UBE2E2: variants seen among roughly 807,000 people sequenced by gnomAD.
UBE2E2 encodes the protein ubiquitin-conjugating enzyme E2 E2.
A neutral mutation model predicts 24.7 loss-of-function variants in UBE2E2; 6 were observed. The ratio of observed to expected loss-of-function variants is 0.24; its 90% CI spans 0.13 to 0.48. The LOEUF is 0.48. Ranked by LOEUF, UBE2E2 falls within the 20% of genes least tolerant of loss-of-function variation. UBE2E2 has a pLI of 0.99. For synonymous variants in UBE2E2, 104 were observed against 83.6 expected (o/e 1.24, Z -1.33); for missense variants, 169 against 245.0 (o/e 0.69, Z 2.07).
chr3:23,323,566 T>C (rs1399427783), intron 3 of UBE2E2: 7 of 452,652 alleles, frequency 1.5e-5, no homozygotes, highest in African/African-American at 1.4e-4. Context: ...ATTGGATTTT[T>C]GGATTTTGGA....
chr3:23,240,070 A>C (rs1697218361), intron 3 of UBE2E2, among the ~76,000 whole-genome samples: 1 of 152,124 alleles, frequency 6.6e-6, no homozygotes, highest in African/African-American at 2.4e-5. Context: ...TGGAACTATT[A>C]TAGACTGGGA....
chr3:23,291,986 G>A (rs1418917361), intron 3 of UBE2E2, among the ~76,000 whole-genome samples: 2 of 149,906 alleles, frequency 1.3e-5, no homozygotes, highest in African/African-American at 4.9e-5. Flanking sequence ...AGCCTCCCGA[G>A]TAGCTGGGAC....
At position 23,444,164 on chromosome 3, in the gene UBE2E2, G is replaced by T. The variant is rs924155779; in HGVS notation, c.228-55444G>T. Among the ~76,000 whole-genome samples the T allele has an allele frequency of 4.2e-5, 6 of 142,002 alleles. No homozygotes were observed. The South Asian group carries it at 1.3e-3, about 31-fold the overall frequency. The allele number at this position is 142,002 out of a possible 152,430, so 93.2% of individuals were successfully genotyped here. On this transcript the variant is annotated intron_variant, in intron 3 of 5. Transcript: ENST00000396703. Reference sequence around the variant, plus strand: ...CTGAGCCCTTAGTTGCCTTGCTGTTGTTGATCCATGGTTGTTGAAATATCC... The same window carrying T: ...CTGAGCCCTTAGTTGCCTTGCTGTTTTTGATCCATGGTTGTTGAAATATCC...
At chr3:23,505,450 A>C (rs1472262109) in intron 4 of UBE2E2, among the ~76,000 whole-genome samples, 1 of 152,188 alleles carries the variant, frequency 6.6e-6, no homozygotes, top group African/African-American at 2.4e-5. Flanking sequence ...ATTTCAGGCA[A>C]CTTATGCACA....
At chr3:23,349,793 C>T (rs1187736392) in intron 3 of UBE2E2, among the ~76,000 whole-genome samples, 1 of 152,234 alleles carries the variant, frequency 6.6e-6, no homozygotes. Flanking sequence ...GTAGGCTCCA[C>T]CCCTGGGGGC....
At chr3:23,282,901 G>C (rs1003629779) in intron 3 of UBE2E2, among the ~76,000 whole-genome samples, 1 of 152,060 alleles carries the variant, frequency 6.6e-6, no homozygotes, top group South Asian at 2.1e-4. Flanking sequence ...GTGAGATTTG[G>C]AGGTATAGGA....
At chr3:23,299,937 C>A (rs1575543850) in intron 3 of UBE2E2, among the ~76,000 whole-genome samples, 1 of 152,228 alleles carries the variant, frequency 6.6e-6, no homozygotes, top group South Asian at 2.1e-4. Context: ...TTGTAGGTCA[C>A]TCAGGACTTG....
chr3:23,339,835 A>T (rs1695332594), intron 3 of UBE2E2, among the ~76,000 whole-genome samples: 1 of 152,094 alleles, frequency 6.6e-6, no homozygotes, highest in South Asian at 2.1e-4. Flanking sequence ...CTAGAAATGG[A>T]TTCATTTTAA....
intron 1 of UBE2E2, among the ~76,000 whole-genome samples, chr3:23,206,115 T>C (rs900438203): frequency 1.3e-5 from 2 of 152,220 alleles, no homozygotes; most frequent in Non-Finnish European, 2.9e-5. Context: ...TTAAAATGTA[T>C]AAAATGATTT....
intron 3 of UBE2E2, among the ~76,000 whole-genome samples, chr3:23,267,547 A>T (rs1698084751): frequency 6.6e-6 from 1 of 152,130 alleles, no homozygotes; most frequent in African/African-American, 2.4e-5. Context: ...AGACTCTGAA[A>T]TTGTGGCAAT....
chr3:23,219,947 G>C (rs577096212), intron 3 of UBE2E2, among the ~76,000 whole-genome samples: 2 of 152,066 alleles, frequency 1.3e-5, no homozygotes, highest in Non-Finnish European at 2.9e-5. Context: ...ACCCAATACT[G>C]TGTGTTTGTC....
intron 3 of UBE2E2, among the ~76,000 whole-genome samples, chr3:23,266,124 T>G (rs1315743946): frequency 6.6e-6 from 1 of 152,250 alleles, no homozygotes; most frequent in Non-Finnish European, 1.5e-5. Flanking sequence ...TGTCTTTTAA[T>G]TTGAGCATTT....
At chr3:23,350,754 G>A (rs535148870) in intron 3 of UBE2E2, among the ~76,000 whole-genome samples, 29 of 152,318 alleles carry the variant, frequency 1.9e-4, no homozygotes, top group African/African-American at 6.0e-4. Flanking sequence ...CCAAATCTAC[G>A]TCTGATTGGT....
chr3:23,342,991 C>T (rs1197076614), intron 3 of UBE2E2, among the ~76,000 whole-genome samples: 1 of 151,910 alleles, frequency 6.6e-6, no homozygotes, highest in East Asian at 1.9e-4. Context: ...AGGAATGGTG[C>T]TTATTCTTTT....
chr3:23,566,441 C>A (rs144814693), intron 5 of UBE2E2, among the ~76,000 whole-genome samples: 1 of 152,278 alleles, frequency 6.6e-6, no homozygotes, highest in Admixed American at 6.5e-5. Context: ...AAGACAGACA[C>A]TCCAGACATG....
intron 3 of UBE2E2, among the ~76,000 whole-genome samples, chr3:23,264,702 G>A (rs773118069): frequency 6.6e-6 from 1 of 152,202 alleles, no homozygotes; most frequent in South Asian, 2.1e-4. Flanking sequence ...TGGATGGCCT[G>A]TACATTTGCC....
chr3:23,252,518 A>G (rs1368927330), intron 3 of UBE2E2, among the ~76,000 whole-genome samples: 1 of 152,146 alleles, frequency 6.6e-6, no homozygotes, highest in Non-Finnish European at 1.5e-5. Context: ...ATTTTTTGAG[A>G]CGGAGTCTAG....
chr3:23,350,993 C>T (rs183433817), intron 3 of UBE2E2, among the ~76,000 whole-genome samples: 8,494 of 152,186 alleles, frequency 0.056, 307 homozygotes, highest in Non-Finnish European at 0.083. Flanking sequence ...AGAGAAAGGT[C>T]GGGTTACCCA....
intron 4 of UBE2E2, among the ~76,000 whole-genome samples, chr3:23,531,310 A>G (rs1422807495): frequency 6.6e-6 from 1 of 152,200 alleles, no homozygotes; most frequent in Non-Finnish European, 1.5e-5. Context: ...GACTGTCTTT[A>G]GAACCCTGAG....
Sources: allele counts gnomAD v4.1 joint callset (sites outside exome capture counted in the v4.1 genomes callset), GRCh38; gene constraint gnomAD v4.1.1; transcripts MANE v1.5; gene names NCBI Gene and HGNC (gene_info 2026-07-23, HGNC 2026-07-21).